Variants in FBN2 observed in about 807,000 individuals in gnomAD.
The protein encoded by FBN2 is fibrillin-2.
FBN2 carries 105 observed loss-of-function variants against 355.6 expected under a neutral mutation model. The observed-to-expected ratio is 0.30, with a 90% confidence interval of 0.25 to 0.35. The LOEUF is 0.35. Ranked by LOEUF, FBN2 falls within the 10% of genes least tolerant of loss-of-function variation. FBN2 has a pLI of 1.00. For synonymous variants in FBN2, 1,350 were observed against 1,301.2 expected (o/e 1.04, Z -0.81); for missense variants, 3,280 against 3,758.7 (o/e 0.87, Z 3.33).
rs116487847 is a variant in FBN2 at position 128,400,302 on chromosome 5, C to T, written c.1079-5028G>A. Among the ~76,000 whole-genome samples, 975 of 151,886 alleles carry T rather than the reference C, an allele frequency of 6.4e-3. 12 individuals are homozygous for T. Among genetic ancestry groups the T allele is most frequent in the African/African-American group, 0.022 (908 of 41,446 alleles). ...ATAGAGTCAATACATAATTTTAAAA[C>T]GGTTCAATTCACCAGGAAAATATGG... On this transcript the variant is annotated intron_variant, in intron 8 of 64. Coordinates refer to ENST00000262464, the MANE Select transcript of FBN2 (RefSeq NM_001999.4).
chr5:128,524,405 T>C (rs564300343), intron 4 of FBN2, among the ~76,000 whole-genome samples: 26 of 152,286 alleles, frequency 1.7e-4, no homozygotes, highest in African/African-American at 6.0e-4. Context: ...TTTACCTTTT[T>C]AGTATTAACT....
intron 2 of FBN2, among the ~76,000 whole-genome samples, chr5:128,532,135 C>T (rs1756726146): frequency 6.6e-6 from 1 of 152,228 alleles, no homozygotes; most frequent in Non-Finnish European, 1.5e-5. Context: ...ACACACATTC[C>T]TTCCAGGCTG....
At chr5:128,286,645 T>C in intron 55 of FBN2, 73 bp downstream of exon 55, 1 of 1,552,824 alleles carries the variant, frequency 6.4e-7, no homozygotes, top group Non-Finnish European at 8.9e-7. Context: ...GTTAAGATGA[T>C]GTGGGAGTAG....
intron 5 of FBN2, among the ~76,000 whole-genome samples, chr5:128,503,969 T>C (rs972882193): frequency 6.6e-6 from 1 of 152,104 alleles, no homozygotes; most frequent in Non-Finnish European, 1.5e-5. Flanking sequence ...CCCCGCTCTA[T>C]GCAGCCTTGG....
At chr5:128,468,646 A>G (rs1271891103) in intron 5 of FBN2, among the ~76,000 whole-genome samples, 1 of 152,150 alleles carries the variant, frequency 6.6e-6, no homozygotes, top group African/African-American at 2.4e-5. Context: ...TACAATTTTT[A>G]TTATAACCTG....
intron 8 of FBN2, among the ~76,000 whole-genome samples, chr5:128,401,433 T>C (rs1752795600): frequency 6.6e-6 from 1 of 152,162 alleles, no homozygotes. Context: ...TAAATTATCA[T>C]AATGTGAGGA....
chr5:128,451,874 C>T (rs980021258), intron 6 of FBN2, among the ~76,000 whole-genome samples: 11 of 152,034 alleles, frequency 7.2e-5, no homozygotes, highest in Admixed American at 1.3e-4. Flanking sequence ...ATGCTGCATA[C>T]GGATTATAGT....
intron 7 of FBN2, among the ~76,000 whole-genome samples, chr5:128,439,554 G>A (rs1474172262): frequency 6.6e-6 from 1 of 152,014 alleles, no homozygotes; most frequent in East Asian, 1.9e-4. Context: ...GCCATCAATA[G>A]TCAATTCATA....
At chr5:128,496,793 T>A (rs989327963) in intron 5 of FBN2, among the ~76,000 whole-genome samples, 10 of 151,708 alleles carry the variant, frequency 6.6e-5, no homozygotes, top group African/African-American at 2.4e-4. Context: ...ATTTAATATA[T>A]AATACATGTA....
chr5:128,275,032 T>C (rs1021334958), intron 59 of FBN2, among the ~76,000 whole-genome samples: 1 of 152,112 alleles, frequency 6.6e-6, no homozygotes, highest in South Asian at 2.1e-4. Context: ...TGATTCCTAT[T>C]AAAGGAAGGA....
intron 7 of FBN2, among the ~76,000 whole-genome samples, chr5:128,426,486 T>C (rs539681940): frequency 3.2e-4 from 49 of 152,220 alleles, no homozygotes; most frequent in African/African-American, 1.2e-3. Flanking sequence ...ACTGCTAGAG[T>C]GCAAGCAGAA....
intron 16 of FBN2, 111 bp from the exon 17 acceptor site, chr5:128,366,541 T>G: frequency 1.6e-6 from 1 of 607,006 alleles, no homozygotes; most frequent in Non-Finnish European, 2.9e-6. Context: ...TGTGCATTAG[T>G]TTTTAAAGTG....
intron 31 of FBN2, 124 bp downstream of exon 31, chr5:128,334,595 C>T: frequency 9.7e-7 from 1 of 1,027,378 alleles, no homozygotes; most frequent in Non-Finnish European, 1.5e-6. Context: ...ACACTCATCA[C>T]ACACACAGTC....
rs1214760060 is a variant in FBN2, at chr5:128,295,758, G to A, written c.6167-4104C>T. On this transcript the variant is annotated intron_variant, in intron 48 of 64. Transcript: ENST00000262464. ...TGGGCTGAGACAATGGGGTTTTCTA[G>A]ATATACAATCATGTCGTCTGCAAAC... Among the ~76,000 whole-genome samples the A allele has an allele frequency of 3.7e-5, 5 of 133,748 alleles. No homozygotes were observed. In the Admixed American group the frequency reaches 3.8e-4, roughly 10 times the overall value. 87.7% of individuals were successfully genotyped at this position (133,748 alleles called of 152,430 possible).
intron 62 of FBN2, among the ~76,000 whole-genome samples, chr5:128,266,837 A>ATATT (rs972274695): frequency 1.3e-5 from 2 of 150,752 alleles, no homozygotes; most frequent in Non-Finnish European, 3.0e-5. Context: ...TATTATTATT[A>ATATT]TATTTATTTA....
At chr5:128,445,040 T>C (rs1403492690) in intron 7 of FBN2, among the ~76,000 whole-genome samples, 3 of 152,172 alleles carry the variant, frequency 2.0e-5, no homozygotes, top group African/African-American at 7.2e-5. Context: ...TTTCTGCAGA[T>C]CCCTGAGTTT....
chr5:128,263,415 G>A lies in FBN2; in HGVS notation c.8192+10C>T, dbSNP rs1242867616. 6.3e-7 allele frequency: 1 copy of A among 1,597,406 alleles called. No homozygotes were observed. The highest frequency in any genetic ancestry group is 1.7e-5 in the Admixed American group (1 of 59,998). ...ATTCCTCTATGTGCTGAGGCTGAAGGCCGCCTTACCCTTGTCCCACTCTGT... is the reference window on the plus strand; with the variant it reads ...ATTCCTCTATGTGCTGAGGCTGAAGACCGCCTTACCCTTGTCCCACTCTGT... On this transcript the variant is annotated intron_variant, in intron 63 of 64. Transcript: ENST00000262464.
At chr5:128,484,143 T>C (rs17164113) in intron 5 of FBN2, among the ~76,000 whole-genome samples, 32,029 of 152,194 alleles carry the variant, frequency 0.21, 6,055 homozygotes, top group African/African-American at 0.51. Context: ...TTATCCATAC[T>C]TGAGTACATT....
At chr5:128,284,381 A>G (rs1749076986) in intron 55 of FBN2, among the ~76,000 whole-genome samples, 1 of 152,152 alleles carries the variant, frequency 6.6e-6, no homozygotes. Context: ...CCATACTCTG[A>G]GTCACTCTGC....
Sources: gnomAD v4.1 joint callset for allele counts (sites outside exome capture counted in the v4.1 genomes callset) on GRCh38, gnomAD v4.1.1 for gene constraint, MANE v1.5 for transcripts, NCBI Gene and HGNC (gene_info 2026-07-23, HGNC 2026-07-21) for gene names.